MAGI1: variants seen among roughly 807,000 people sequenced by gnomAD.
The protein encoded by MAGI1 is membrane associated guanylate kinase, WW and PDZ domain containing 1.
In MAGI1, 58 loss-of-function variants were observed where a neutral mutation model predicts 139.9. That is an observed-to-expected ratio of 0.41 (90% CI 0.34 to 0.52). MAGI1 has a LOEUF of 0.52. MAGI1 is among the 20% of genes least tolerant of loss of function. The pLI is 0.12. For synonymous variants in MAGI1, 812 were observed against 737.9 expected (o/e 1.10, Z -1.63); for missense variants, 1,874 against 1,901.6 (o/e 0.99, Z 0.27).
chr3:65,893,612 C>T (rs2060854267), intron 1 of MAGI1, among the ~76,000 whole-genome samples: 1 of 152,144 alleles, frequency 6.6e-6, no homozygotes, highest in South Asian at 2.1e-4. Context: ...AAAGAAATTA[C>T]AAATTTTGCC....
At chr3:66,007,597 T>C (rs1252925698) in intron 1 of MAGI1, among the ~76,000 whole-genome samples, 1 of 152,214 alleles carries the variant, frequency 6.6e-6, no homozygotes, top group Non-Finnish European at 1.5e-5. Flanking sequence ...AACTGCATCC[T>C]AAGCAGCTGT....
intron 2 of MAGI1, among the ~76,000 whole-genome samples, chr3:65,609,359 C>T (rs2082919327): frequency 6.6e-6 from 1 of 151,534 alleles, no homozygotes; most frequent in Admixed American, 6.6e-5. Flanking sequence ...CTCACTGCAA[C>T]CTCTGCCTCC....
chr3:65,934,482 T>C (rs1264652878), intron 1 of MAGI1, among the ~76,000 whole-genome samples: 2 of 152,204 alleles, frequency 1.3e-5, no homozygotes, highest in Admixed American at 1.3e-4. Context: ...TACCTTCAGG[T>C]GGCATCTTTA....
rs1174729645 is a variant in MAGI1 at position 65,891,896 on chromosome 3, A to ATGTATATG, written c.313+146099_313+146100insCATATACA. On this transcript the variant is annotated intron_variant, in intron 1 of 22. Coordinates refer to ENST00000402939, the MANE Select transcript of MAGI1 (RefSeq NM_001033057.2). ...AGAACTTAAAGTATAATATATATAT[A>ATGTATATG]TATATATATATATATATATATATAT... 3.6e-3 allele frequency among the ~76,000 whole-genome samples: 60 copies of ATGTATATG among 16,706 alleles called. 3 individuals carry two copies. The highest frequency in any genetic ancestry group is 7.1e-3 in the South Asian group (3 of 422). The allele number at this position is 16,706 out of a possible 152,430, so 11.0% of individuals were successfully genotyped here. A position where few individuals can be genotyped will look rare whatever the true frequency, so the allele number is the denominator to read the frequency against.
chr3:65,880,224 A>T (rs1012534671), intron 1 of MAGI1, among the ~76,000 whole-genome samples: 1 of 151,506 alleles, frequency 6.6e-6, no homozygotes, highest in Non-Finnish European at 1.5e-5. Flanking sequence ...CCTGGGTGAC[A>T]GAGCAAGACC....
At chr3:65,928,698 G>T (rs553619418) in intron 1 of MAGI1, among the ~76,000 whole-genome samples, 1 of 151,946 alleles carries the variant, frequency 6.6e-6, no homozygotes, top group East Asian at 1.9e-4. Context: ...AGAGAAAATG[G>T]GTCAATGCCT....
chr3:65,575,719 A>G (rs1161887509), intron 2 of MAGI1, among the ~76,000 whole-genome samples: 1 of 152,224 alleles, frequency 6.6e-6, no homozygotes, highest in East Asian at 1.9e-4. Context: ...ATATGCTACA[A>G]CATGAATGGC....
At chr3:65,502,014 A>C (rs1224692175) in intron 2 of MAGI1, among the ~76,000 whole-genome samples, 1 of 152,232 alleles carries the variant, frequency 6.6e-6, no homozygotes, top group Non-Finnish European at 1.5e-5. Flanking sequence ...AGCAGTGGTT[A>C]CCAGCTATGT....
At chr3:65,449,305 T>C (rs1420559943) in intron 6 of MAGI1, among the ~76,000 whole-genome samples, 5 of 152,172 alleles carry the variant, frequency 3.3e-5, no homozygotes, top group Admixed American at 2.6e-4. Flanking sequence ...CTGCCAGCGG[T>C]AAGTTTTGAT....
intron 12 of MAGI1, among the ~76,000 whole-genome samples, chr3:65,415,495 CT>C (rs1427506161): frequency 1.3e-5 from 2 of 152,196 alleles, no homozygotes; most frequent in Non-Finnish European, 2.9e-5. Context: ...CCAGGGCTGG[CT>C]CAGGCTGCAC....
At chr3:65,555,572 C>T (rs1256514509) in intron 2 of MAGI1, among the ~76,000 whole-genome samples, 1 of 152,116 alleles carries the variant, frequency 6.6e-6, no homozygotes, top group African/African-American at 2.4e-5. Context: ...AAAATATGAA[C>T]ACCCAGCCTG....
rs1343253773 is a variant in MAGI1 at position 65,766,360 on chromosome 3, C to T, written c.314-144272G>A. On this transcript the variant is annotated intron_variant, in intron 1 of 22. Coordinates refer to ENST00000402939, the MANE Select transcript of MAGI1 (RefSeq NM_001033057.2). ...ATACCCAAGCTATTGTGATTCTTTC[C>T]GGGTACCATATTTTAGGAGGAACAT... 2.6e-5 allele frequency among the ~76,000 whole-genome samples: 4 copies of T among 152,124 alleles called. No individual in the cohort carries two copies. The South Asian group carries it at 6.2e-4, about 24-fold the overall frequency.
chr3:65,923,632 T>G (rs914488754), intron 1 of MAGI1, among the ~76,000 whole-genome samples: 1 of 152,168 alleles, frequency 6.6e-6, no homozygotes. Context: ...TGAGGGAGTC[T>G]ACCCTCTAGC....
At chr3:65,910,434 G>A (rs2061608301) in intron 1 of MAGI1, among the ~76,000 whole-genome samples, 2 of 152,106 alleles carry the variant, frequency 1.3e-5, no homozygotes, top group South Asian at 4.2e-4. Context: ...GGAAAAACAA[G>A]CACCCTTGAA....
intron 4 of MAGI1, among the ~76,000 whole-genome samples, chr3:65,472,325 C>T (rs1352118306): frequency 6.6e-6 from 1 of 152,124 alleles, no homozygotes; most frequent in Non-Finnish European, 1.5e-5. Flanking sequence ...AAAAGAATCA[C>T]CTGGAGAGAT....
chr3:65,711,640 G>A (rs925164180), intron 1 of MAGI1, among the ~76,000 whole-genome samples: 6 of 152,258 alleles, frequency 3.9e-5, no homozygotes, highest in East Asian at 1.9e-4. Context: ...ATATGGGTGC[G>A]CCTAATCCAA....
chr3:65,950,057 AAC>A (rs2063728763), intron 1 of MAGI1, among the ~76,000 whole-genome samples: 1 of 39,754 alleles, frequency 2.5e-5, no homozygotes, highest in African/African-American at 5.9e-5. Flanking sequence ...AAAAAAAAAA[AAC>A]AAAAAAACAA....
chr3:65,868,806 A>C (rs2059816851), intron 1 of MAGI1, among the ~76,000 whole-genome samples: 1 of 152,142 alleles, frequency 6.6e-6, no homozygotes, highest in African/African-American at 2.4e-5. Context: ...AAGACAAACT[A>C]GCTTTTTTCA....
intron 1 of MAGI1, among the ~76,000 whole-genome samples, chr3:65,741,133 G>A (rs1475172626): frequency 2.0e-5 from 3 of 151,626 alleles, no homozygotes; most frequent in Admixed American, 6.6e-5. Context: ...TTGATCAACT[G>A]TGGAAACTGC....
Sources: allele counts gnomAD v4.1 joint callset (sites outside exome capture counted in the v4.1 genomes callset), GRCh38; gene constraint gnomAD v4.1.1; transcripts MANE v1.5; gene names NCBI Gene and HGNC (gene_info 2026-07-23, HGNC 2026-07-21).